CFAP107: variants seen among roughly 807,000 people sequenced by gnomAD.
CFAP107 encodes the protein cilia- and flagella-associated protein 107.
At chr1:12,747,359 G>A in the CFAP107 span, among the ~76,000 whole-genome samples, 3 of 152,064 alleles carry the variant, frequency 2.0e-5, no homozygotes, top group Non-Finnish European at 4.4e-5. Context: ...ATGAGCCACT[G>A]TGCCTGGCCT....
At chr1:12,751,957 A>G in the CFAP107 span, among the ~76,000 whole-genome samples, 4 of 152,318 alleles carry the variant, frequency 2.6e-5, no homozygotes, top group African/African-American at 9.6e-5. Context: ...AAGAGATTGA[A>G]TTAGTAACCA....
At chr1:12,750,224 C>T in the CFAP107 span, among the ~76,000 whole-genome samples, 1 of 151,936 alleles carries the variant, frequency 6.6e-6, no homozygotes, top group Non-Finnish European at 1.5e-5. Flanking sequence ...AAAGAAAATG[C>T]CTATAAAATA....
the CFAP107 span, chr1:12,759,491 C>A: frequency 6.2e-7 from 1 of 1,614,108 alleles, no homozygotes; most frequent in South Asian, 1.1e-5. Flanking sequence ...CTTCTTGGTA[C>A]CTTTATAATT....
chr1:12,755,515 C>T, the CFAP107 span, among the ~76,000 whole-genome samples: 5 of 152,140 alleles, frequency 3.3e-5, no homozygotes, highest in East Asian at 3.9e-4. Context: ...CAGCTCTTCC[C>T]GGGGGTGCCG....
the CFAP107 span, among the ~76,000 whole-genome samples, chr1:12,749,252 CAAAG>C: frequency 6.6e-6 from 1 of 152,178 alleles, no homozygotes; most frequent in African/African-American, 2.4e-5. Context: ...AACCCAAAAA[CAAAG>C]AGAGAATCTT....
At chr1:12,755,785 C>G in the CFAP107 span, 1 of 1,613,448 alleles carries the variant, frequency 6.2e-7, no homozygotes, top group South Asian at 1.1e-5. Flanking sequence ...GACCAGATCT[C>G]CAGGTGGTAT....
At chr1:12,761,042 CAG>C in the CFAP107 span, 1 of 1,302,784 alleles carries the variant, frequency 7.7e-7, no homozygotes, top group Non-Finnish European at 1.1e-6. Context: ...CAGATAAACT[CAG>C]AGTACGAGAT....
the CFAP107 span, chr1:12,759,766 C>A: frequency 1.9e-6 from 1 of 535,868 alleles, no homozygotes; most frequent in Non-Finnish European, 3.4e-6. Flanking sequence ...ATCCACGCAT[C>A]CTTCCTCCCA....
chr1:12,759,560 C>T, the CFAP107 span: 4 of 1,561,700 alleles, frequency 2.6e-6, no homozygotes, highest in Non-Finnish European at 3.5e-6. Flanking sequence ...CTGTACCTGC[C>T]TCATGCAGAA....
At chr1:12,748,263 C>T in the CFAP107 span, among the ~76,000 whole-genome samples, 7 of 151,986 alleles carry the variant, frequency 4.6e-5, no homozygotes, top group African/African-American at 1.5e-4. Context: ...GTTCAGATCT[C>T]AGCTGGGAAA....
chr1:12,746,483 T>C, the CFAP107 span: 2 of 1,613,798 alleles, frequency 1.2e-6, no homozygotes, highest in Non-Finnish European at 1.7e-6. Flanking sequence ...AGCTGGCAGA[T>C]TGAGACCAAG....
chr1:12,756,214 T>G, the CFAP107 span, among the ~76,000 whole-genome samples: 1 of 152,232 alleles, frequency 6.6e-6, no homozygotes, highest in Non-Finnish European at 1.5e-5. Context: ...TTCCTGTTCT[T>G]TCGCATGAAA....
chr1:12,746,663 T>C, the CFAP107 span: 37 of 702,320 alleles, frequency 5.3e-5, no homozygotes, highest in Admixed American at 1.0e-4. Flanking sequence ...AAATGTGGCA[T>C]TGGGGTCTCT....
chr1:12,761,911 C>T, the CFAP107 span: 1 of 152,224 alleles, frequency 6.6e-6, no homozygotes, highest in Non-Finnish European at 1.5e-5. Flanking sequence ...GGTGGATCTC[C>T]TAGCAGAAGA....
chr1:12,747,754 T>G, the CFAP107 span, among the ~76,000 whole-genome samples: 5 of 152,092 alleles, frequency 3.3e-5, no homozygotes, highest in Admixed American at 1.3e-4. Context: ...GCAAGAGAAG[T>G]TCCAAAAGCA....
the CFAP107 span, chr1:12,746,523 G>C: frequency 1.2e-6 from 2 of 1,612,842 alleles, no homozygotes; most frequent in Non-Finnish European, 1.7e-6. Context: ...CTGGAAATTG[G>C]ATGGAAGAGA....
the CFAP107 span, chr1:12,759,715 C>G: frequency 1.7e-6 from 1 of 603,856 alleles, no homozygotes; most frequent in Non-Finnish European, 3.0e-6. Flanking sequence ...TCACCTGTGC[C>G]CCATGGTGGC....
chr1:12,747,224 T>C, the CFAP107 span, among the ~76,000 whole-genome samples: 2 of 152,060 alleles, frequency 1.3e-5, no homozygotes, highest in African/African-American at 4.8e-5. Context: ...CATGCCACCA[T>C]GCCCAGCTAA....
chr1:12,760,526 C>G, the CFAP107 span, among the ~76,000 whole-genome samples: 2 of 152,198 alleles, frequency 1.3e-5, no homozygotes, highest in East Asian at 1.9e-4. Context: ...CCAAGGCCCC[C>G]GTGGCAGAGC....
Sources: allele counts gnomAD v4.1 joint callset (sites outside exome capture counted in the v4.1 genomes callset), GRCh38; gene constraint gnomAD v4.1.1; transcripts MANE v1.5; gene names NCBI Gene and HGNC (gene_info 2026-07-23, HGNC 2026-07-21).